Variants in SRFBP1 observed in about 807,000 individuals in gnomAD.
SRFBP1 encodes serum response factor binding protein 1, also known as serum response factor-binding protein 1.
SRFBP1 carries 47 observed loss-of-function variants against 45.5 expected under a neutral mutation model. The ratio of observed to expected loss-of-function variants is 1.03; its 90% CI spans 0.82 to 1.32. The LOEUF (loss-of-function observed/expected upper bound fraction) is 1.32. Among genes scored for constraint, SRFBP1 ranks in the 40% most tolerant of loss-of-function variants. The probability of loss-of-function intolerance (pLI) is 0.00; values close to 1 mark genes in which losing one functional copy is unlikely to be tolerated. For synonymous variants in SRFBP1, 203 were observed against 166.3 expected, an observed-to-expected ratio of 1.22 and a Z score of -1.70; for missense variants, 621 against 484.6, an observed-to-expected ratio of 1.28 and a Z score of -2.64.
chr5:122,020,104 T>C lies in SRFBP1; in HGVS notation c.369T>C (p.Phe123=). The C allele has an allele frequency of 6.4e-7, 1 of 1,568,224 alleles. No homozygotes were observed. Among genetic ancestry groups the C allele is most frequent in the South Asian group, 1.2e-5 (1 of 81,708 alleles). ...IDVLKAAVQA[F]KEARQNVAEV... is the part of the protein sequence containing the mutation. The stretch of plus-strand genomic sequence containing the variant: ...CTCTTGCAGCTGCTGTACAAGCCTT[T>C]AAAGAAGCAAGACAAAATGTTGCTG... Residue 123 remains phenylalanine, a synonymous_variant, in exon 6 of 8, where the codon TTT becomes TTC. Transcript: ENST00000339397.
intron 4 of SRFBP1, among the ~76,000 whole-genome samples, chr5:122,002,906 C>G (rs1167808239): frequency 6.6e-6 from 1 of 152,130 alleles, no homozygotes; most frequent in African/African-American, 2.4e-5. Context: ...GACTCTCACT[C>G]ATTTCTCTAC....
At chr5:122,017,703 C>T (rs563948610) in intron 4 of SRFBP1, among the ~76,000 whole-genome samples, 1 of 152,242 alleles carries the variant, frequency 6.6e-6, no homozygotes, top group South Asian at 2.1e-4. Flanking sequence ...CACATAAATC[C>T]TACAAACAGA....
chr5:122,076,239 A>G (rs1390129041), downstream of SRFBP1, among the ~76,000 whole-genome samples: 5 of 152,208 alleles, frequency 3.3e-5, no homozygotes, highest in African/African-American at 9.6e-5. Context: ...TAGTGTGTCT[A>G]TATGTTCAGG....
chr5:121,989,696 C>A (rs1342351811), intron 3 of SRFBP1, among the ~76,000 whole-genome samples: 1 of 152,168 alleles, frequency 6.6e-6, no homozygotes, highest in Non-Finnish European at 1.5e-5. Flanking sequence ...TATCTGGCAC[C>A]TGCGTGGCTA....
chr5:122,033,130 G>T (rs1337084303), downstream of SRFBP1, among the ~76,000 whole-genome samples: 3 of 149,696 alleles, frequency 2.0e-5, no homozygotes, highest in African/African-American at 7.4e-5. Flanking sequence ...TCAATTTTTT[G>T]AATTTTTTTT....
chr5:122,019,475 GT>G, intron 5 of SRFBP1, 134 bp downstream of exon 5: 2 of 681,026 alleles, frequency 2.9e-6, no homozygotes, highest in South Asian at 5.7e-5. Flanking sequence ...AGTGTGGAAG[GT>G]GTCTGAAAAT....
chr5:121,981,535 C>G (rs1387675704), intron 3 of SRFBP1, among the ~76,000 whole-genome samples: 1 of 147,682 alleles, frequency 6.8e-6, no homozygotes, highest in Non-Finnish European at 1.5e-5. Context: ...GCTTCTGTAT[C>G]TTCCACTTAC....
At chr5:121,983,981 T>C (rs1752468778) in intron 3 of SRFBP1, among the ~76,000 whole-genome samples, 1 of 151,784 alleles carries the variant, frequency 6.6e-6, no homozygotes, top group African/African-American at 2.4e-5. Context: ...CGTGCACAAC[T>C]GTATTAACCT....
At chr5:122,009,625 G>A (rs906591796) in intron 4 of SRFBP1, among the ~76,000 whole-genome samples, 1 of 152,110 alleles carries the variant, frequency 6.6e-6, no homozygotes, top group Non-Finnish European at 1.5e-5. Context: ...TTCCGAGTAG[G>A]GTGACCACAA....
At chr5:122,001,546 C>CTTTTTTTT (rs1166482651) in intron 4 of SRFBP1, among the ~76,000 whole-genome samples, 2 of 104,888 alleles carry the variant, frequency 1.9e-5, no homozygotes, top group East Asian at 2.9e-4. Flanking sequence ...CCTTTGGTAT[C>CTTTTTTTT]TTTTTTTTTT....
Position 122,020,712 on chromosome 5 carries a change from C to T in SRFBP1, c.977C>T (p.Thr326Ile). ...GATACAGGTGAAACTCATGGGGATA[C>T]AAGAAATGACAAAATCAAGCCAAGT... ...KEDTGETHGD[T>I]RNDKIKPSTE... is the part of the protein sequence containing the mutation. The change falls in exon 6 of 8, where the codon ACA (threonine) becomes ATA (isoleucine). Residue 326 changes from threonine to isoleucine, a missense_variant. Physicochemically the swap from Thr to Ile is moderately conservative, Grantham distance 89. Transcript: ENST00000339397. The T allele has an allele frequency of 6.2e-7, 1 of 1,612,292 alleles. No homozygotes were observed. The highest frequency in any genetic ancestry group is 8.5e-7 in the Non-Finnish European group (1 of 1,179,588).
At chr5:121,972,668 G>A (rs758263113) in intron 1 of SRFBP1, among the ~76,000 whole-genome samples, 19 of 151,888 alleles carry the variant, frequency 1.3e-4, no homozygotes, top group Non-Finnish European at 8.8e-5. Context: ...AACATTAAGT[G>A]TAGGAGTCAG....
intron 2 of SRFBP1, among the ~76,000 whole-genome samples, chr5:122,045,873 C>A (rs559688808): frequency 1.3e-5 from 2 of 152,104 alleles, no homozygotes; most frequent in Admixed American, 1.3e-4. Flanking sequence ...ATTGCACTGG[C>A]GATGACTTCC....
intron 7 of SRFBP1, among the ~76,000 whole-genome samples, chr5:122,025,119 A>T (rs941260595): frequency 7.1e-6 from 1 of 140,958 alleles, no homozygotes; most frequent in Non-Finnish European, 1.5e-5. Flanking sequence ...CACTCCCCCC[A>T]CCCCACAACA....
chr5:121,982,117 G>T (rs1752420947), intron 3 of SRFBP1, among the ~76,000 whole-genome samples: 1 of 151,856 alleles, frequency 6.6e-6, no homozygotes, highest in Admixed American at 6.6e-5. Context: ...GGAGGAAAAA[G>T]GTTCTTCATT....
chr5:122,061,494 T>C (rs1463776717), intron 2 of SRFBP1, among the ~76,000 whole-genome samples: 1 of 152,072 alleles, frequency 6.6e-6, no homozygotes, highest in Non-Finnish European at 1.5e-5. Context: ...TATGAATACA[T>C]CCTTCCAAGT....
chr5:121,975,506 T>C lies in SRFBP1; in HGVS notation c.198+119T>C. 2.8e-6 allele frequency: 3 copies of C among 1,063,438 alleles called. No individual in the cohort carries two copies. In the South Asian group the frequency reaches 4.0e-5, roughly 14 times the overall value. 65.9% of individuals were successfully genotyped at this position (1,063,438 alleles called of 1,614,324 possible). On this transcript the variant is annotated intron_variant, in intron 3 of 7. Transcript: ENST00000339397. ...CCCGAGAGTTGCGTAAGACATCTTGTATCAGTCTGTTTGGTGAAGAATGTA... is the reference window on the plus strand; with the variant it reads ...CCCGAGAGTTGCGTAAGACATCTTGCATCAGTCTGTTTGGTGAAGAATGTA...
intron 2 of SRFBP1, among the ~76,000 whole-genome samples, chr5:122,044,374 A>G (rs1454964124): frequency 6.6e-6 from 1 of 152,166 alleles, no homozygotes; most frequent in African/African-American, 2.4e-5. Context: ...CCCAATAATG[A>G]GATTGTTGAG....
At position 121,996,861 on chromosome 5, in the gene SRFBP1, A is replaced by T. The variant is rs375700356; in HGVS notation, c.270+2191A>T. On this transcript the variant is annotated intron_variant, in intron 4 of 7. Transcript: ENST00000339397. ...GTACAAAAATCACAAGCATTCTTAT[A>T]CACCAACAACAGACAACCAGAGAGC... 4.1e-5 allele frequency among the ~76,000 whole-genome samples: 6 copies of T among 147,398 alleles called. No homozygotes were observed. In the South Asian group the frequency reaches 6.5e-4, roughly 16 times the overall value.
Sources: allele counts gnomAD v4.1 joint callset (sites outside exome capture counted in the v4.1 genomes callset), GRCh38; gene constraint gnomAD v4.1.1; transcripts MANE v1.5; gene names NCBI Gene and HGNC (gene_info 2026-07-23, HGNC 2026-07-21).